Variants in CHRM3 observed in about 807,000 individuals in gnomAD.
CHRM3 encodes the protein muscarinic acetylcholine receptor M3.
Under a neutral mutation model 41.8 loss-of-function variants are expected in CHRM3, and 11 were observed. The ratio of observed to expected loss-of-function variants is 0.26; its 90% CI spans 0.17 to 0.44. The LOEUF is 0.44. CHRM3 is among the 20% of genes least tolerant of loss of function. CHRM3 has a pLI of 1.00. For missense variants in CHRM3, 571 were observed against 745.4 expected, an observed-to-expected ratio of 0.77 and a Z score of 2.72; for synonymous variants, 297 against 301.4, an observed-to-expected ratio of 0.99 and a Z score of 0.15.
chr1:239,650,913 ATG>A (rs1672176958), intron 4 of CHRM3, among the ~76,000 whole-genome samples: 1 of 152,200 alleles, frequency 6.6e-6, no homozygotes, highest in Non-Finnish European at 1.5e-5. Flanking sequence ...ATATGTAAAT[ATG>A]TGTAAATTTA....
chr1:239,581,602 C>T (rs1662904622), intron 3 of CHRM3, among the ~76,000 whole-genome samples: 2 of 152,130 alleles, frequency 1.3e-5, no homozygotes, highest in Admixed American at 6.6e-5. Context: ...AATTGAATAT[C>T]ATTTACCTTG....
chr1:239,878,145 C>A (rs1377424052), intron 6 of CHRM3, among the ~76,000 whole-genome samples: 1 of 151,856 alleles, frequency 6.6e-6, no homozygotes, highest in Non-Finnish European at 1.5e-5. Flanking sequence ...CCGCTTCGGC[C>A]TCCCAAAGTG....
intron 5 of CHRM3, among the ~76,000 whole-genome samples, chr1:239,697,248 A>G (rs916502011): frequency 1.6e-4 from 25 of 152,046 alleles, no homozygotes; most frequent in African/African-American, 5.8e-4. Flanking sequence ...TGCTGTTCTC[A>G]TGATAGTGAA....
intron 3 of CHRM3, among the ~76,000 whole-genome samples, chr1:239,572,595 T>G (rs1354517738): frequency 1.3e-5 from 2 of 152,210 alleles, no homozygotes; most frequent in Non-Finnish European, 2.9e-5. Flanking sequence ...TCTTTGAAAC[T>G]AGTTCATTTA....
intron 5 of CHRM3, among the ~76,000 whole-genome samples, chr1:239,771,816 C>T (rs1372575790): frequency 6.6e-6 from 1 of 152,146 alleles, no homozygotes; most frequent in South Asian, 2.1e-4. Flanking sequence ...GTTTCAAAGC[C>T]CTGTTTTAGA....
At chr1:239,813,104 C>T (rs1671243969) in intron 5 of CHRM3, among the ~76,000 whole-genome samples, 1 of 152,124 alleles carries the variant, frequency 6.6e-6, no homozygotes, top group Non-Finnish European at 1.5e-5. Context: ...ACGGTGAAAC[C>T]TCATCTCTAC....
intron 5 of CHRM3, among the ~76,000 whole-genome samples, chr1:239,797,667 A>AT (rs1407817886): frequency 6.6e-6 from 1 of 152,150 alleles, no homozygotes; most frequent in Non-Finnish European, 1.5e-5. Context: ...TGCAGTTGTC[A>AT]TCTAAGAGTG....
chr1:239,557,794 G>A lies in CHRM3; in HGVS notation c.-313+12045G>A, dbSNP rs1660500665. Among the ~76,000 whole-genome samples the A allele has an allele frequency of 2.0e-5, 3 of 152,198 alleles. No homozygotes were observed. In the South Asian group the frequency reaches 6.2e-4, roughly 32 times the overall value. On this transcript the variant is annotated intron_variant, in intron 3 of 6. Transcript: ENST00000676153. ...GGATAATGGCTTCCAGCTTCATCAT[G>A]TCCCTGCAAAGGACATGATTTGTTG...
intron 1 of CHRM3, among the ~76,000 whole-genome samples, chr1:239,421,146 A>T (rs1452489548): frequency 6.6e-6 from 1 of 152,202 alleles, no homozygotes; most frequent in Non-Finnish European, 1.5e-5. Context: ...ACAGATATTT[A>T]TTGTGCATTT....
At chr1:239,520,686 G>A (rs1669584182) in intron 2 of CHRM3, among the ~76,000 whole-genome samples, 2 of 152,162 alleles carry the variant, frequency 1.3e-5, no homozygotes, top group Admixed American at 6.5e-5. Context: ...AACAGGTATA[G>A]CAGGTGTGTC....
intron 2 of CHRM3, among the ~76,000 whole-genome samples, chr1:239,510,705 T>C (rs933602310): frequency 6.6e-6 from 1 of 151,906 alleles, no homozygotes; most frequent in Non-Finnish European, 1.5e-5. Flanking sequence ...CCCAGCTAAT[T>C]TTGTATTTTT....
intron 3 of CHRM3, among the ~76,000 whole-genome samples, chr1:239,604,258 G>A: frequency 6.6e-6 from 1 of 150,520 alleles, no homozygotes; most frequent in African/African-American, 2.4e-5. Flanking sequence ...ACTTTAAATG[G>A]ATTAGAAAAT....
intron 3 of CHRM3, among the ~76,000 whole-genome samples, chr1:239,623,053 C>CA (rs892560295): frequency 1.7e-3 from 243 of 142,742 alleles, no homozygotes; most frequent in Non-Finnish European, 2.0e-3. Context: ...AACCCTCCAC[C>CA]AAAAAAAAAA....
At chr1:239,404,656 C>G (rs867651483) in intron 1 of CHRM3, among the ~76,000 whole-genome samples, 1 of 145,968 alleles carries the variant, frequency 6.9e-6, no homozygotes, top group East Asian at 2.0e-4. Context: ...AGAGCAAGAA[C>G]TCAGATGTCC....
At chr1:239,818,288 T>A (rs1465125120) in intron 5 of CHRM3, among the ~76,000 whole-genome samples, 1 of 152,192 alleles carries the variant, frequency 6.6e-6, no homozygotes. Context: ...ACCTTGGGAC[T>A]TCATTTAACC....
intron 1 of CHRM3, among the ~76,000 whole-genome samples, chr1:239,399,223 T>G (rs748679957): frequency 2.0e-5 from 3 of 152,106 alleles, no homozygotes; most frequent in Admixed American, 1.3e-4. Context: ...TTTTCATGTA[T>G]AGTTGACAAT....
intron 1 of CHRM3, among the ~76,000 whole-genome samples, chr1:239,463,788 C>T (rs1665526461): frequency 6.6e-6 from 1 of 152,098 alleles, no homozygotes. Context: ...ATGTCTGCAA[C>T]TTATGCATCT....
intron 5 of CHRM3, among the ~76,000 whole-genome samples, chr1:239,743,428 G>A (rs1281338362): frequency 6.6e-6 from 1 of 152,200 alleles, no homozygotes; most frequent in Non-Finnish European, 1.5e-5. Flanking sequence ...GTGGCTCAGT[G>A]TTAATGGAGG....
intron 3 of CHRM3, among the ~76,000 whole-genome samples, chr1:239,583,995 G>C (rs1663154558): frequency 1.3e-5 from 2 of 152,012 alleles, no homozygotes; most frequent in South Asian, 4.1e-4. Flanking sequence ...CCCCTTGTCA[G>C]CTGGGGGAAC....
Sources: gnomAD v4.1 joint callset for allele counts (sites outside exome capture counted in the v4.1 genomes callset) on GRCh38, gnomAD v4.1.1 for gene constraint, MANE v1.5 for transcripts, NCBI Gene and HGNC (gene_info 2026-07-23, HGNC 2026-07-21) for gene names.